Variants in TNPO3 observed in about 807,000 individuals in gnomAD.
TNPO3 encodes the protein transportin 3.
TNPO3 carries 65 observed loss-of-function variants against 122.8 expected under a neutral mutation model. The ratio of observed to expected loss-of-function variants is 0.53; its 90% CI spans 0.43 to 0.65. The LOEUF (loss-of-function observed/expected upper bound fraction) is 0.65. TNPO3 is among the 30% of genes least tolerant of loss of function. The pLI is 0.00. For missense variants in TNPO3, 850 were observed against 1,136.7 expected, an observed-to-expected ratio of 0.75 and a Z score of 3.63; for synonymous variants, 372 against 411.2, an observed-to-expected ratio of 0.90 and a Z score of 1.15.
chr7:128,970,413 AGTGTGTGTGTGTGTGCACGCGTGGCT>A (rs1798343262), intron 19 of TNPO3, 98 bp from the exon 20 acceptor site: 3 of 1,187,516 alleles, frequency 2.5e-6, no homozygotes, highest in Admixed American at 2.4e-5. Flanking sequence ...TTAATAGGAA[AGTGTGTGTGTGTGTGCACGCGTGGCT>A]GTGTGTGTGT....
At chr7:129,038,213 G>A (rs959522705) in intron 1 of TNPO3, among the ~76,000 whole-genome samples, 1 of 152,092 alleles carries the variant, frequency 6.6e-6, no homozygotes, top group African/African-American at 2.4e-5. Flanking sequence ...TGGAGAGGTA[G>A]AGCTAAAAAA....
chr7:128,957,479 G>A (rs920622483), intron 21 of TNPO3, among the ~76,000 whole-genome samples, 164 bp from the exon 22 acceptor site: 4 of 152,106 alleles, frequency 2.6e-5, no homozygotes, highest in Non-Finnish European at 5.9e-5. Context: ...GTAATTCAGG[G>A]CAAAAATTAT....
intron 8 of TNPO3, among the ~76,000 whole-genome samples, chr7:128,994,221 G>A (rs1016251317): frequency 3.3e-5 from 5 of 151,938 alleles, no homozygotes; most frequent in Admixed American, 6.6e-5. Flanking sequence ...GCAGTGGTGC[G>A]ATCTCTGCTT....
chr7:129,015,205 A>G, intron 3 of TNPO3, 70 bp from the exon 4 acceptor site: 1 of 1,525,258 alleles, frequency 6.6e-7, no homozygotes, highest in Non-Finnish European at 8.9e-7. Flanking sequence ...GATAACAGCC[A>G]TCAGAGTAAC....
chr7:129,035,903 G>A (rs919951634), intron 1 of TNPO3, among the ~76,000 whole-genome samples: 29 of 151,088 alleles, frequency 1.9e-4, no homozygotes, highest in African/African-American at 5.8e-4. Context: ...AGACAAAATG[G>A]CCCACCCTGG....
intron 1 of TNPO3, among the ~76,000 whole-genome samples, chr7:129,052,516 C>T (rs1808904124): frequency 6.6e-6 from 1 of 152,162 alleles, no homozygotes. Context: ...CTGTTCCTGT[C>T]TGGACTCTGA....
chr7:128,975,844 C>T lies in TNPO3; in HGVS notation c.2153G>A (p.Arg718Gln), dbSNP rs370591499. The change falls in exon 17 of 23, where the codon CGG becomes CAG. Residue 718 changes from arginine to glutamine, a missense_variant. Arg to Gln is a conservative substitution (Grantham distance 43). Transcript: ENST00000265388. ...CTGGAGCATGTCTAGCAGTCCCTGCCGACAGCCTTCTTCCATGCCATATTC... is the reference window on the plus strand; with the variant it reads ...CTGGAGCATGTCTAGCAGTCCCTGCTGACAGCCTTCTTCCATGCCATATTC... ...VDEYGMEEGCRQGLLDMLQAL... is the reference protein window; with the variant it reads ...VDEYGMEEGCQQGLLDMLQAL... The T allele has an allele frequency of 1.1e-5, 18 of 1,613,652 alleles. No homozygotes were observed. In the Admixed American group the frequency reaches 1.2e-4, roughly 10 times the overall value.
At chr7:129,047,438 G>A (rs2150559499) in intron 1 of TNPO3, among the ~76,000 whole-genome samples, 1 of 152,232 alleles carries the variant, frequency 6.6e-6, no homozygotes, top group South Asian at 2.1e-4. Flanking sequence ...CTCTCTTTCA[G>A]AACACTTTGA....
chr7:128,966,619 T>C (rs766905293), intron 21 of TNPO3, among the ~76,000 whole-genome samples: 4 of 152,226 alleles, frequency 2.6e-5, no homozygotes, highest in African/African-American at 7.2e-5. Context: ...TGTCTACTAA[T>C]AGAGGCATTA....
intron 1 of TNPO3, among the ~76,000 whole-genome samples, chr7:129,052,134 C>A (rs1808855855): frequency 6.6e-6 from 1 of 152,216 alleles, no homozygotes; most frequent in African/African-American, 2.4e-5. Flanking sequence ...CCACCCTCCT[C>A]TATCATGTTT....
At chr7:128,998,317 A>T (rs1801558625) in intron 7 of TNPO3, among the ~76,000 whole-genome samples, 1 of 152,074 alleles carries the variant, frequency 6.6e-6, no homozygotes. Context: ...CTGTGATTGC[A>T]CCACAGCATT....
chr7:128,977,151 AT>A (rs1799147493), intron 16 of TNPO3, among the ~76,000 whole-genome samples: 11 of 152,214 alleles, frequency 7.2e-5, no homozygotes, highest in Non-Finnish European at 1.6e-4. Flanking sequence ...TTTTTTAAGG[AT>A]AATTTTCATT....
chr7:129,018,245 A>G, intron 1 of TNPO3, 88 bp from the exon 2 acceptor site: 1 of 1,320,692 alleles, frequency 7.6e-7, no homozygotes, highest in South Asian at 1.4e-5. Flanking sequence ...AAACATATTT[A>G]GCCCAAAGTA....
upstream of TNPO3, chr7:129,055,295 T>G (rs1809365327): frequency 6.3e-6 from 1 of 157,874 alleles, no homozygotes; most frequent in Admixed American, 6.0e-5. Context: ...GCTTGGGACA[T>G]TAGCGCCGAG....
In TNPO3 at chr7:128,975,921, G is replaced by A. The variant is rs1585328724; in HGVS notation, c.2076C>T (p.Tyr692=). Residue 692 remains tyrosine, a synonymous_variant, in exon 17 of 23, where the codon TAC becomes TAT. Coordinates refer to ENST00000265388, the MANE Select transcript of TNPO3 (RefSeq NM_012470.4). ...QPLVTQMVNV[Y]HVHQHSCFLY... ...GGAAGCAGGAATGCTGATGTACGTG[G>A]TACACATTCACCATCTGTTGAGGGA... 2 of 1,612,270 alleles carry A rather than the reference G, an allele frequency of 1.2e-6. No individual in the cohort carries two copies. Among genetic ancestry groups the A allele is most frequent in the Middle Eastern group, 3.3e-4 (2 of 6,058 alleles).
chr7:129,010,665 T>C (rs1229280318), intron 4 of TNPO3, among the ~76,000 whole-genome samples: 1 of 152,188 alleles, frequency 6.6e-6, no homozygotes, highest in Non-Finnish European at 1.5e-5. Context: ...AACCCTAGCA[T>C]CACTAATAGA....
intron 1 of TNPO3, among the ~76,000 whole-genome samples, chr7:129,031,302 A>AAAAG (rs113746995): frequency 0.063 from 9,613 of 151,738 alleles, 623 homozygotes; most frequent in African/African-American, 0.17. Flanking sequence ...TCTATGTCAA[A>AAAAG]AAAGAAAGAA....
At chr7:128,993,749 G>A in intron 9 of TNPO3, 58 bp downstream of exon 9, 5 of 1,395,582 alleles carry the variant, frequency 3.6e-6, no homozygotes, top group Non-Finnish European at 5.0e-6. Flanking sequence ...AGAAGACACA[G>A]AAGTGAATAC....
At chr7:129,055,804 A>G (rs945764305), upstream of TNPO3, 10 of 488,684 alleles carry the variant, frequency 2.0e-5, no homozygotes, top group Non-Finnish European at 3.7e-5. Context: ...AAACTGTACT[A>G]TGGAGAAATT....
Sources: gnomAD v4.1 joint callset for allele counts (sites outside exome capture counted in the v4.1 genomes callset) on GRCh38, gnomAD v4.1.1 for gene constraint, MANE v1.5 for transcripts, NCBI Gene and HGNC (gene_info 2026-07-23, HGNC 2026-07-21) for gene names.